THSD4: variants seen among roughly 807,000 people sequenced by gnomAD.
The protein encoded by THSD4 is thrombospondin type-1 domain-containing protein 4.
Under a neutral mutation model 119.0 loss-of-function variants are expected in THSD4, and 69 were observed. The observed-to-expected ratio is 0.58, with a 90% CI of 0.48 to 0.71. THSD4 has a LOEUF of 0.71. THSD4 is among the 30% of genes least tolerant of loss of function. The pLI is 0.00. For missense variants in THSD4, 1,393 were observed against 1,391.1 expected, an observed-to-expected ratio of 1.00 and a Z score of -0.02; for synonymous variants, 524 against 540.4, an observed-to-expected ratio of 0.97 and a Z score of 0.42.
chr15:71,654,810 C>A (rs1161581181), intron 7 of THSD4, among the ~76,000 whole-genome samples: 1 of 152,138 alleles, frequency 6.6e-6, no homozygotes, highest in Non-Finnish European at 1.5e-5. Context: ...TGGGGGTCAT[C>A]TAGCCAAACA....
chr15:71,396,291 C>T (rs1045522567), intron 6 of THSD4, among the ~76,000 whole-genome samples: 3 of 151,392 alleles, frequency 2.0e-5, no homozygotes, highest in Non-Finnish European at 1.5e-5. Flanking sequence ...CATGTACATG[C>T]GTACATATGC....
At chr15:71,118,487 G>A (rs932543185) in intron 1 of THSD4, among the ~76,000 whole-genome samples, 4 of 151,990 alleles carry the variant, frequency 2.6e-5, no homozygotes, top group South Asian at 2.1e-4. Flanking sequence ...GATGAGCCTC[G>A]CCTCCCCAGC....
At chr15:71,217,229 A>T (rs1462135076) in intron 4 of THSD4, among the ~76,000 whole-genome samples, 2 of 152,212 alleles carry the variant, frequency 1.3e-5, no homozygotes, top group African/African-American at 2.4e-5. Flanking sequence ...AGCATCCCAT[A>T]ATCAAACACA....
intron 7 of THSD4, among the ~76,000 whole-genome samples, chr15:71,418,803 A>C (rs1596419288): frequency 9.2e-6 from 1 of 109,054 alleles, no homozygotes; most frequent in East Asian, 3.1e-4. Context: ...ATTGGGTCCC[A>C]ATCTTCTTTA....
At chr15:71,737,083 G>A (rs1250906264) in intron 10 of THSD4, among the ~76,000 whole-genome samples, 1 of 152,158 alleles carries the variant, frequency 6.6e-6, no homozygotes, top group Admixed American at 6.5e-5. Context: ...GTAGCATAAC[G>A]TAGTTTAACC....
intron 1 of THSD4, among the ~76,000 whole-genome samples, chr15:71,135,392 C>CA (rs1170278742): frequency 0.43 from 53,001 of 122,338 alleles, 13,091 homozygotes; most frequent in Middle Eastern, 0.64. Flanking sequence ...TACTAAATGA[C>CA]AAAAAAAAAA....
chr15:71,275,582 A>G (rs1160833109), intron 6 of THSD4, among the ~76,000 whole-genome samples: 3 of 152,132 alleles, frequency 2.0e-5, no homozygotes, highest in African/African-American at 4.8e-5. Flanking sequence ...CCCATGCTTT[A>G]TATATTTATC....
chr15:71,772,768 T>C (rs1301180703), intron 17 of THSD4, among the ~76,000 whole-genome samples: 2 of 152,166 alleles, frequency 1.3e-5, no homozygotes, highest in Non-Finnish European at 2.9e-5. Flanking sequence ...TTAAGTTTGA[T>C]AAAGGGGGAA....
Position 71,322,115 on chromosome 15 carries a change from C to T in THSD4, c.1015+65400C>T, listed in dbSNP as rs537740983. On this transcript the variant is annotated intron_variant, in intron 6 of 17. Coordinates refer to ENST00000261862, the MANE Select transcript of THSD4 (RefSeq NM_024817.3). ...ATAATGGTTTTTTAAAATTCATTGA[C>T]GTTTATACAGTGTTATGGAATTTAG... Among the ~76,000 whole-genome samples the T allele has an allele frequency of 5.3e-5, 8 of 151,704 alleles. No homozygotes were observed. In the South Asian group the frequency reaches 1.5e-3, roughly 28 times the overall value.
intron 5 of THSD4, among the ~76,000 whole-genome samples, chr15:71,253,350 A>G (rs1913769): frequency 0.98 from 148,774 of 152,292 alleles, 72,779 homozygotes; most frequent in East Asian, 1. Flanking sequence ...TAAACTGCAA[A>G]GATGTGCAAA....
At chr15:71,254,146 G>A (rs1267842870) in intron 5 of THSD4, among the ~76,000 whole-genome samples, 3 of 152,172 alleles carry the variant, frequency 2.0e-5, no homozygotes, top group Non-Finnish European at 4.4e-5. Context: ...TTACTTAGTT[G>A]TAGTTATTTG....
chr15:71,098,342 C>T (rs1385970431), intron 1 of THSD4, among the ~76,000 whole-genome samples: 1 of 1,410 alleles, frequency 7.1e-4, no homozygotes, highest in Non-Finnish European at 1.1e-3. Context: ...ACTATAGGCC[C>T]GTGCCACCAC....
chr15:71,767,692 T>G (rs2053737573), intron 16 of THSD4: 1 of 152,206 alleles, frequency 6.6e-6, no homozygotes, highest in African/African-American at 2.4e-5. Context: ...AAATTATCTC[T>G]CTAAAAATCT....
intron 17 of THSD4, among the ~76,000 whole-genome samples, chr15:71,772,390 T>C (rs1330087856): frequency 2.0e-5 from 3 of 151,782 alleles, no homozygotes; most frequent in Non-Finnish European, 4.4e-5. Context: ...ATAAATTCCA[T>C]AAGAAGAAAA....
At chr15:71,579,330 C>T (rs1187906702) in intron 7 of THSD4, among the ~76,000 whole-genome samples, 1 of 152,110 alleles carries the variant, frequency 6.6e-6, no homozygotes, top group Non-Finnish European at 1.5e-5. Context: ...TGAGCATTAC[C>T]GAGAGCCAGA....
At chr15:71,729,065 A>G (rs974332532) in intron 9 of THSD4, 1 of 273,480 alleles carries the variant, frequency 3.7e-6, no homozygotes. Flanking sequence ...TTATACTGCT[A>G]ATTTGGCATG....
At chr15:71,299,848 G>T (rs1332687553) in intron 6 of THSD4, among the ~76,000 whole-genome samples, 1 of 151,572 alleles carries the variant, frequency 6.6e-6, no homozygotes, top group East Asian at 1.9e-4. Flanking sequence ...ACATTGGGCT[G>T]GACGTGATAG....
At position 71,571,315 on chromosome 15, in the gene THSD4, G is replaced by T. The variant is rs553188192; in HGVS notation, c.1153-89215G>T. 6.6e-5 allele frequency among the ~76,000 whole-genome samples: 10 copies of T among 152,100 alleles called. No homozygotes were observed. The South Asian group carries it at 2.1e-3, about 32-fold the overall frequency. On this transcript the variant is annotated intron_variant, in intron 7 of 17. Transcript: ENST00000261862. ...GTCTCAGTGAAAGGGCTTCCCTGAGGGGTAGAATGCCGCATGCTCGTTTCC... is the reference window on the plus strand; with the variant it reads ...GTCTCAGTGAAAGGGCTTCCCTGAGTGGTAGAATGCCGCATGCTCGTTTCC...
At chr15:71,679,861 AG>A (rs1355866711) in intron 8 of THSD4, among the ~76,000 whole-genome samples, 12 of 152,208 alleles carry the variant, frequency 7.9e-5, no homozygotes, top group African/African-American at 2.9e-4. Flanking sequence ...AGTCTGAGGC[AG>A]GGGAAGTGAC....
Sources: gnomAD v4.1 joint callset for allele counts (sites outside exome capture counted in the v4.1 genomes callset) on GRCh38, gnomAD v4.1.1 for gene constraint, MANE v1.5 for transcripts, NCBI Gene and HGNC (gene_info 2026-07-23, HGNC 2026-07-21) for gene names.